Variants in TG observed in about 807,000 individuals in gnomAD.
The protein encoded by TG is thyroid hormones.
In TG, 270 loss-of-function variants were observed where a neutral mutation model predicts 324.7. The observed-to-expected ratio is 0.83, with a 90% CI of 0.75 to 0.92. TG has a LOEUF of 0.92. Ranked by LOEUF, TG falls within the 40% of genes least tolerant of loss-of-function variation. The probability of loss-of-function intolerance (pLI) is 0.00; values close to 1 mark genes in which losing one functional copy is unlikely to be tolerated. For synonymous variants in TG, 1,401 were observed against 1,327.0 expected (o/e 1.06, Z -1.21); for missense variants, 3,591 against 3,456.4 (o/e 1.04, Z -0.98).
intron 29 of TG, among the ~76,000 whole-genome samples, chr8:132,965,938 C>T: frequency 6.6e-6 from 1 of 152,106 alleles, no homozygotes; most frequent in East Asian, 1.9e-4. Context: ...GTGGAGACTC[C>T]AGGAAGAGCT....
intron 41 of TG, among the ~76,000 whole-genome samples, chr8:133,033,577 C>T (rs891037433): frequency 2.0e-5 from 3 of 152,184 alleles, no homozygotes; most frequent in Admixed American, 1.3e-4. Flanking sequence ...ATTTTTACTC[C>T]ATTCCTGCAT....
intron 41 of TG, among the ~76,000 whole-genome samples, chr8:133,036,311 A>G (rs1587821752): frequency 6.6e-6 from 1 of 152,192 alleles, no homozygotes; most frequent in Non-Finnish European, 1.5e-5. Flanking sequence ...GCTCCATGAT[A>G]TCAGAGACCT....
At chr8:132,972,467 T>C in intron 33 of TG, 131 bp from the exon 34 acceptor site, 1 of 1,053,664 alleles carries the variant, frequency 9.5e-7, no homozygotes, top group Non-Finnish European at 1.4e-6. Flanking sequence ...TGAGATAGTA[T>C]CTGAAATATA....
intron 41 of TG, among the ~76,000 whole-genome samples, chr8:133,084,958 AT>A (rs1846299614): frequency 6.6e-6 from 1 of 152,344 alleles, no homozygotes; most frequent in Non-Finnish European, 1.5e-5. Flanking sequence ...GCAGTGGGTG[AT>A]TTGGGACAAA....
At chr8:133,126,783 C>T (rs968292289) in intron 45 of TG, among the ~76,000 whole-genome samples, 1 of 151,702 alleles carries the variant, frequency 6.6e-6, no homozygotes, top group Non-Finnish European at 1.5e-5. Flanking sequence ...TTAATACTTC[C>T]TCAGCTTCTA....
chr8:132,961,043 A>G lies in TG; in HGVS notation c.5437A>G (p.Thr1813Ala), dbSNP rs1587587014. The change falls in exon 28 of 48, where the codon ACC becomes GCC. Residue 1813 changes from threonine to alanine, a missense_variant. By Grantham distance (58) the Thr-to-Ala change is moderately conservative. Transcript: ENST00000220616. ...CTTAGAAGGAACTCAAGACACCTTT[A>G]CCAATTTTCAGCAGGTTTATCTCTG... is the stretch of plus-strand genomic sequence containing the variant. ...TPLEGTQDTFTNFQQVYLWKD... is the reference protein window; with the variant it reads ...TPLEGTQDTFANFQQVYLWKD... The G allele has an allele frequency of 3.1e-6, 5 of 1,614,042 alleles. No individual in the cohort carries two copies. Among genetic ancestry groups the G allele is most frequent in the Non-Finnish European group, 4.2e-6 (5 of 1,179,954 alleles).
chr8:132,948,178 G>T (rs1306038331), intron 26 of TG, among the ~76,000 whole-genome samples: 1 of 102,108 alleles, frequency 9.8e-6, no homozygotes, highest in Non-Finnish European at 2.4e-5. Context: ...TTCTTACTCC[G>T]TCCCCCCCCA....
chr8:132,935,366 A>G (rs997981444), intron 24 of TG, among the ~76,000 whole-genome samples: 3 of 150,962 alleles, frequency 2.0e-5, no homozygotes, highest in African/African-American at 7.3e-5. Flanking sequence ...CTGGTCTTGA[A>G]CTCTAGACCC....
chr8:132,960,318 G>A (rs1490289248), intron 27 of TG, among the ~76,000 whole-genome samples: 1 of 152,116 alleles, frequency 6.6e-6, no homozygotes, highest in Non-Finnish European at 1.5e-5. Context: ...CTGTAGCATG[G>A]GGCTTATTTG....
intron 43 of TG, among the ~76,000 whole-genome samples, chr8:133,101,004 G>T (rs1849166292): frequency 6.6e-6 from 1 of 152,196 alleles, no homozygotes; most frequent in South Asian, 2.1e-4. Flanking sequence ...TTTACCGGGT[G>T]TCTCTAGGTC....
Position 133,133,503 on chromosome 8 carries a change from A to G in TG, c.8031A>G (p.Lys2677=), listed in dbSNP as rs1408401032. 6.2e-7 allele frequency: 1 copy of G among 1,614,250 alleles called. No homozygotes were observed. The highest frequency in any genetic ancestry group is 8.5e-7 in the Non-Finnish European group (1 of 1,180,050). The stretch of plus-strand genomic sequence containing the variant: ...ACTACCCTTATGAGTTCTCACGGAA[A>G]GTACCCACATTTGCAACCCCCTGGC... ...NPNYPYEFSR[K]VPTFATPWPD... The change falls in exon 47 of 48, where the codon AAA becomes AAG. Residue 2677 remains lysine (K), a synonymous_variant. Coordinates refer to ENST00000220616, the MANE Select transcript of TG (RefSeq NM_003235.5).
At chr8:132,997,750 GA>G (rs1833017197) in intron 35 of TG, among the ~76,000 whole-genome samples, 1 of 152,228 alleles carries the variant, frequency 6.6e-6, no homozygotes, top group African/African-American at 2.4e-5. Context: ...TCTTGGCTAT[GA>G]AAGTAAGAGA....
rs1305102388 is a variant in TG, at chr8:133,026,936, C to T, written c.7037-2885C>T. On this transcript the variant is annotated intron_variant, in intron 40 of 47. Coordinates refer to ENST00000220616, the MANE Select transcript of TG (RefSeq NM_003235.5). ...GACAAGCACTGTTCTGTTCCCCTTA[C>T]AAGTATTAACTAATTTACTCAACCT... is the stretch of plus-strand genomic sequence containing the variant. 3.3e-5 allele frequency among the ~76,000 whole-genome samples: 5 copies of T among 152,220 alleles called. No homozygotes were observed. The East Asian group carries it at 7.7e-4, about 23-fold the overall frequency.
In TG at chr8:132,941,490, A is replaced by T. The variant is rs372928250; in HGVS notation, c.5181A>T (p.Ala1727=). ...LTDAHLFCLL[A]CDRDLCCDGF... ...ATGCTCACCTCTTCTGTCTTCTTGCATGCGACCGTGATCTGTGTTGCGATG... is the reference window on the plus strand; with the variant it reads ...ATGCTCACCTCTTCTGTCTTCTTGCTTGCGACCGTGATCTGTGTTGCGATG... Residue 1727 remains alanine (A), a synonymous_variant, in exon 26 of 48, where the codon GCA becomes GCT. Coordinates refer to ENST00000220616, the MANE Select transcript of TG (RefSeq NM_003235.5). 1.2e-6 allele frequency: 2 copies of T among 1,614,198 alleles called. No homozygotes were observed. Among genetic ancestry groups the T allele is most frequent in the Middle Eastern group, 1.6e-4 (1 of 6,062 alleles).
At chr8:132,933,176 TG>T (rs1200121751) in intron 23 of TG, among the ~76,000 whole-genome samples, 1 of 150,524 alleles carries the variant, frequency 6.6e-6, no homozygotes, top group African/African-American at 2.4e-5. Flanking sequence ...GGGGTATATT[TG>T]GGGGGTGTAT....
At chr8:132,980,249 A>C (rs914370688) in intron 34 of TG, among the ~76,000 whole-genome samples, 1 of 152,100 alleles carries the variant, frequency 6.6e-6, no homozygotes, top group Non-Finnish European at 1.5e-5. Flanking sequence ...TAGAAGATTG[A>C]AACTCTCAGT....
intron 41 of TG, among the ~76,000 whole-genome samples, chr8:133,046,184 T>C (rs1228062714): frequency 6.6e-6 from 1 of 152,024 alleles, no homozygotes; most frequent in East Asian, 1.9e-4. Flanking sequence ...GTTCCAGGAG[T>C]AGAAAACACC....
intron 5 of TG, among the ~76,000 whole-genome samples, chr8:132,878,398 C>T (rs553004334): frequency 3.3e-5 from 5 of 152,108 alleles, no homozygotes; most frequent in Admixed American, 1.3e-4. Flanking sequence ...GGGCAGATCA[C>T]GAGGTCAGGA....
At chr8:132,924,140 T>C (rs932289367) in intron 22 of TG, among the ~76,000 whole-genome samples, 5 of 151,352 alleles carry the variant, frequency 3.3e-5, no homozygotes, top group Non-Finnish European at 7.4e-5. Context: ...TTGGGGGTGA[T>C]GGGAGACAGT....
Sources: allele counts gnomAD v4.1 joint callset (sites outside exome capture counted in the v4.1 genomes callset), GRCh38; gene constraint gnomAD v4.1.1; transcripts MANE v1.5; gene names NCBI Gene and HGNC (gene_info 2026-07-23, HGNC 2026-07-21).